The following CRIM1 variants were observed in gnomAD, a reference collection of about 807,000 sequenced individuals.
CRIM1 encodes cysteine rich transmembrane BMP regulator 1.
Under a neutral mutation model 116.4 loss-of-function variants are expected in CRIM1, and 32 were observed. The observed-to-expected ratio is 0.27, with a 90% confidence interval of 0.21 to 0.37. The LOEUF (loss-of-function observed/expected upper bound fraction) is 0.37, where lower values mean the gene tolerates loss of function less well. CRIM1 is among the 10% of genes least tolerant of loss of function. The pLI is 1.00. For synonymous variants in CRIM1, 590 were observed against 509.2 expected (o/e 1.16, Z -2.13); for missense variants, 1,331 against 1,354.8 (o/e 0.98, Z 0.28).
chr2:36,409,779 TAAGA>T (rs1345954012), intron 2 of CRIM1, among the ~76,000 whole-genome samples: 1 of 152,272 alleles, frequency 6.6e-6, no homozygotes, highest in African/African-American at 2.4e-5. Context: ...ATGTGTAACT[TAAGA>T]AAGGTATTTA....
chr2:36,456,780 C>A (rs559738201), intron 4 of CRIM1, among the ~76,000 whole-genome samples: 3 of 151,376 alleles, frequency 2.0e-5, no homozygotes, highest in African/African-American at 7.3e-5. Context: ...TCTGTCTCCA[C>A]CCCCCCACCA....
chr2:36,444,616 A>T (rs2124946519), intron 4 of CRIM1, among the ~76,000 whole-genome samples: 1 of 152,358 alleles, frequency 6.6e-6, no homozygotes, highest in East Asian at 1.9e-4. Flanking sequence ...GACATTGAAA[A>T]CATAGAGAAG....
Position 36,507,276 on chromosome 2 carries a change from A to G in CRIM1, c.1502-2707A>G, listed in dbSNP as rs77761748. Among the ~76,000 whole-genome samples, 792 of 152,326 alleles carry G rather than the reference A, an allele frequency of 5.2e-3. 7 individuals carry two copies. The highest frequency in any genetic ancestry group is 0.018 in the African/African-American group (764 of 41,582). Reference sequence around the variant, plus strand: ...TTTTAATGTTGTCTATTTCTGAACTAGAAGATGGTATTTTGAGATGTTTTG... The same window carrying G: ...TTTTAATGTTGTCTATTTCTGAACTGGAAGATGGTATTTTGAGATGTTTTG... On this transcript the variant is annotated intron_variant, in intron 8 of 16. Transcript: ENST00000280527.
intron 2 of CRIM1, among the ~76,000 whole-genome samples, chr2:36,416,941 T>C (rs897319476): frequency 2.0e-5 from 3 of 152,212 alleles, no homozygotes; most frequent in African/African-American, 7.2e-5. Flanking sequence ...GGGCTCTGTT[T>C]CTGATTCTGC....
intron 2 of CRIM1, among the ~76,000 whole-genome samples, chr2:36,428,805 C>T (rs1473691509): frequency 1.3e-5 from 2 of 152,170 alleles, no homozygotes; most frequent in Non-Finnish European, 2.9e-5. Flanking sequence ...AGTTCATTGT[C>T]TTAGGAAACT....
chr2:36,384,186 C>T (rs1321286868), intron 1 of CRIM1, among the ~76,000 whole-genome samples: 1 of 152,200 alleles, frequency 6.6e-6, no homozygotes, highest in Admixed American at 6.5e-5. Flanking sequence ...CTGGAGTGAA[C>T]CATGCACACA....
intron 2 of CRIM1, among the ~76,000 whole-genome samples, chr2:36,418,426 A>G (rs1673787603): frequency 6.6e-6 from 1 of 152,146 alleles, no homozygotes; most frequent in Non-Finnish European, 1.5e-5. Context: ...AGCTGGGAAT[A>G]TATGTGCACA....
chr2:36,361,730 T>C (rs545758122), intron 1 of CRIM1, among the ~76,000 whole-genome samples: 5 of 152,176 alleles, frequency 3.3e-5, no homozygotes, highest in Non-Finnish European at 7.3e-5. Flanking sequence ...TGCTTTAGCC[T>C]GTAAATACAA....
rs764178371 is a variant in CRIM1 at position 36,479,523 on chromosome 2, G to T, written c.1201G>T (p.Ala401Ser). The change falls in exon 7 of 17, where the codon GCT becomes TCT. Residue 401 changes from alanine (A) to serine (S), a missense_variant. By Grantham distance (99) the Ala-to-Ser change is moderately conservative. This residue lies in a region of CRIM1 where 690 missense variants were observed against 676.0 expected (regional missense o/e 1.02). Coordinates refer to ENST00000280527, the MANE Select transcript of CRIM1 (RefSeq NM_016441.3). The stretch of plus-strand genomic sequence containing the variant: ...TCCAGTGTATCCTTTTAATAATCCC[G>T]CTGGCTGCTATGCCAATGGCCTGAT... ...EDPVYPFNNP[A>S]GCYANGLILA... 5 of 1,614,060 alleles carry T rather than the reference G, an allele frequency of 3.1e-6. No homozygotes were observed. Among genetic ancestry groups the T allele is most frequent in the African/African-American group, 2.7e-5 (2 of 74,926 alleles).
At chr2:36,391,191 A>G (rs1008113246) in intron 1 of CRIM1, among the ~76,000 whole-genome samples, 4 of 124,572 alleles carry the variant, frequency 3.2e-5, no homozygotes, top group Non-Finnish European at 6.2e-5. Context: ...GTGCAGTGAC[A>G]TGATCTGGGC....
chr2:36,548,264 AGTCTTT>A (rs573536625), intron 16 of CRIM1, among the ~76,000 whole-genome samples: 2 of 129,650 alleles, frequency 1.5e-5, no homozygotes, highest in African/African-American at 5.8e-5. Context: ...TCATTTCACC[AGTCTTT>A]TTTTTTTTTT....
At chr2:36,362,842 C>T (rs748004584) in intron 1 of CRIM1, among the ~76,000 whole-genome samples, 4 of 152,170 alleles carry the variant, frequency 2.6e-5, no homozygotes, top group African/African-American at 2.4e-5. Flanking sequence ...TTACCTCCCT[C>T]CTCCAGTCCC....
At chr2:36,509,866 A>C in intron 8 of CRIM1, 117 bp from the exon 9 acceptor site, 32 of 840,882 alleles carry the variant, frequency 3.8e-5, no homozygotes, top group Non-Finnish European at 5.1e-5. Context: ...GTGCCATGGT[A>C]GAGCTGAGAA....
intron 1 of CRIM1, among the ~76,000 whole-genome samples, chr2:36,376,382 G>A (rs1347876640): frequency 6.6e-6 from 1 of 152,234 alleles, no homozygotes; most frequent in Non-Finnish European, 1.5e-5. Context: ...AGGTTGAGGA[G>A]AATGTTTAAA....
At chr2:36,394,928 T>A (rs1020004262) in intron 1 of CRIM1, among the ~76,000 whole-genome samples, 1 of 152,050 alleles carries the variant, frequency 6.6e-6, no homozygotes, top group Non-Finnish European at 1.5e-5. Context: ...AAGAGCAGAC[T>A]TTTACTTCAC....
intron 1 of CRIM1, among the ~76,000 whole-genome samples, chr2:36,395,010 CTTTTT>C (rs772105466): frequency 8.8e-6 from 1 of 113,430 alleles, no homozygotes; most frequent in East Asian, 2.4e-4. Context: ...TTTGTACTGT[CTTTTT>C]TTTTTTTTTT....
intron 13 of CRIM1, among the ~76,000 whole-genome samples, chr2:36,535,111 A>G (rs912877348): frequency 3.7e-5 from 4 of 108,678 alleles, no homozygotes; most frequent in East Asian, 3.4e-4. Flanking sequence ...GAGAGAGGGA[A>G]GGAGGGAGGG....
At chr2:36,378,281 A>G in intron 1 of CRIM1, 1 of 470,874 alleles carries the variant, frequency 2.1e-6, no homozygotes, top group Non-Finnish European at 4.4e-6. Flanking sequence ...ATTACATCAC[A>G]TTGAAGATGC....
intron 1 of CRIM1, among the ~76,000 whole-genome samples, chr2:36,392,627 C>T (rs576520175): frequency 6.6e-6 from 1 of 152,224 alleles, no homozygotes; most frequent in Non-Finnish European, 1.5e-5. Flanking sequence ...AATCCAACCT[C>T]ATTACATTTT....
Sources: allele counts gnomAD v4.1 joint callset (sites outside exome capture counted in the v4.1 genomes callset), GRCh38; gene constraint gnomAD v4.1.1; regional missense constraint gnomAD v4.1.1; transcripts MANE v1.5; gene names NCBI Gene and HGNC (gene_info 2026-07-23, HGNC 2026-07-21).